The following SMOX variants were observed in gnomAD, a reference collection of about 807,000 sequenced individuals.
SMOX encodes flavin containing amine oxidase.
SMOX carries 22 observed loss-of-function variants against 51.0 expected under a neutral mutation model. The ratio of observed to expected loss-of-function variants is 0.43; its 90% CI spans 0.31 to 0.62. The LOEUF is 0.62. Among genes scored for constraint, SMOX ranks in the 20% least tolerant of loss-of-function variants. SMOX has a pLI of 0.10. For synonymous variants in SMOX, 282 were observed against 307.8 expected (o/e 0.92, Z 0.88); for missense variants, 566 against 777.7 (o/e 0.73, Z 3.24).
intron 6 of SMOX, among the ~76,000 whole-genome samples, chr20:4,186,242 G>C (rs1187359425): frequency 2.6e-5 from 4 of 152,214 alleles, no homozygotes; most frequent in Non-Finnish European, 5.9e-5. Flanking sequence ...AGGAAGTTGA[G>C]GCTGCAGTGG....
chr20:4,164,078 C>T (rs1202134742), intron 1 of SMOX, among the ~76,000 whole-genome samples: 1 of 152,140 alleles, frequency 6.6e-6, no homozygotes, highest in Non-Finnish European at 1.5e-5. Flanking sequence ...CCAAGCACCC[C>T]TACCAAGTAG....
chr20:4,158,472 G>A (rs1437142766), intron 1 of SMOX, among the ~76,000 whole-genome samples: 1 of 152,192 alleles, frequency 6.6e-6, no homozygotes, highest in African/African-American at 2.4e-5. Context: ...GGGCATTGCA[G>A]CACCCCTTAG....
chr20:4,168,563 T>TC (rs1446061634), intron 1 of SMOX, among the ~76,000 whole-genome samples: 5 of 151,014 alleles, frequency 3.3e-5, no homozygotes, highest in African/African-American at 1.2e-4. Flanking sequence ...TCTCTCTCTT[T>TC]TTTTTTTTTT....
rs915011298 is a variant in SMOX at position 4,158,184 on chromosome 20, G to T, written c.-27+9207G>T. Among the ~76,000 whole-genome samples the T allele has an allele frequency of 2.0e-5, 3 of 152,294 alleles. No homozygotes were observed. The Middle Eastern group carries it at 0.01, about 518-fold the overall frequency. On this transcript the variant is annotated intron_variant, in intron 1 of 6. Transcript: ENST00000305958. ...CAAAGTGCTGGGATGACAGGTGTGA[G>T]CCACAGCGCCGGTCGGGGTGTGGTA...
chr20:4,182,953 C>T lies in SMOX; in HGVS notation c.1369+105C>T, dbSNP rs530278827. ...TCTCTCCTCCCCAGACCGTGAAGCT[C>T]GGATGCTGTGCCCCACGGGAGAGCC... On this transcript the variant is annotated intron_variant, in intron 5 of 6. Coordinates refer to ENST00000305958, the MANE Select transcript of SMOX (RefSeq NM_175839.3). The surrounding 1 kb of genome is among the most constrained non-coding windows in gnomAD (Gnocchi z 8.4). 1.7e-5 allele frequency: 25 copies of T among 1,440,688 alleles called. No homozygotes were observed. The highest frequency in any genetic ancestry group is 1.6e-4 in the Admixed American group (7 of 43,472). The allele number at this position is 1,440,688 out of a possible 1,614,324, so 89.2% of individuals were successfully genotyped here.
At chr20:4,171,422 T>C (rs1048304301) in intron 1 of SMOX, among the ~76,000 whole-genome samples, 3 of 152,174 alleles carry the variant, frequency 2.0e-5, no homozygotes, top group Non-Finnish European at 4.4e-5. Flanking sequence ...TCCCTTTCAG[T>C]TGGACCACAG....
intron 1 of SMOX, among the ~76,000 whole-genome samples, chr20:4,155,176 C>T (rs1390654045): frequency 3.3e-5 from 5 of 152,096 alleles, no homozygotes; most frequent in Non-Finnish European, 5.9e-5. Context: ...AGGGCGGGGC[C>T]GAGAGATTGG....
rs1193651132 is a variant in SMOX, at chr20:4,172,848, G to C, written c.-26-2182G>C. 1.3e-5 allele frequency among the ~76,000 whole-genome samples: 2 copies of C among 151,806 alleles called. No homozygotes were observed. The highest frequency in any genetic ancestry group is 2.9e-5 in the Non-Finnish European group (2 of 67,936). On this transcript the variant is annotated intron_variant, in intron 1 of 6. Coordinates refer to ENST00000305958, the MANE Select transcript of SMOX (RefSeq NM_175839.3). This position sits in a 1 kb window ranked among gnomAD's most constrained non-coding sequence, Gnocchi z 7.7. ...GAGGGAGGATTCCCGTCCAGGCCCA[G>C]GCATCGCGGGGGCAGGTGCAATGGG... is the stretch of plus-strand genomic sequence containing the variant.
chr20:4,165,204 T>C (rs1360797303), intron 1 of SMOX, among the ~76,000 whole-genome samples: 3 of 151,880 alleles, frequency 2.0e-5, no homozygotes, highest in Non-Finnish European at 4.4e-5. Context: ...AACAGGCACG[T>C]GCCACCACAC....
At chr20:4,160,292 C>T (rs192890763) in intron 1 of SMOX, among the ~76,000 whole-genome samples, 7 of 152,312 alleles carry the variant, frequency 4.6e-5, no homozygotes, top group Non-Finnish European at 8.8e-5. Flanking sequence ...CCTGCCAGCC[C>T]CAAGTGCCTG....
At chr20:4,175,338 A>G in intron 2 of SMOX, 75 bp downstream of exon 2, 2 of 1,490,136 alleles carry the variant, frequency 1.3e-6, no homozygotes, top group Non-Finnish European at 1.8e-6. Context: ...TCTGCCTGAA[A>G]TCTCATTATT....
chr20:4,157,957 G>C (rs542300689), intron 1 of SMOX, among the ~76,000 whole-genome samples: 34 of 152,156 alleles, frequency 2.2e-4, no homozygotes, highest in African/African-American at 7.7e-4. Context: ...CTGGAGTGCA[G>C]CGGCGCGATC....
At chr20:4,160,379 C>T (rs1056550693) in intron 1 of SMOX, among the ~76,000 whole-genome samples, 1 of 152,146 alleles carries the variant, frequency 6.6e-6, no homozygotes, top group South Asian at 2.1e-4. Flanking sequence ...CTCGGGCCTG[C>T]CGCACCCCTG....
intron 6 of SMOX, chr20:4,186,655 C>T: frequency 1.4e-6 from 1 of 738,150 alleles, no homozygotes; most frequent in South Asian, 1.4e-5. Flanking sequence ...GGCCTCTTTT[C>T]TGGGCTTTCG....
intron 1 of SMOX, among the ~76,000 whole-genome samples, chr20:4,161,119 C>A (rs897905908): frequency 2.0e-5 from 3 of 152,230 alleles, no homozygotes; most frequent in African/African-American, 7.2e-5. Context: ...GGCTGCGGCT[C>A]CTGGCAGGGA....
chr20:4,176,743 C>T (rs144610613), intron 2 of SMOX, among the ~76,000 whole-genome samples: 4 of 152,236 alleles, frequency 2.6e-5, no homozygotes, highest in East Asian at 3.9e-4. Context: ...CTTGGACCCA[C>T]GAGATGTCCC....
Position 4,182,955 on chromosome 20 carries a change from G to C in SMOX, c.1369+107G>C. 7.0e-7 allele frequency: 1 copy of C among 1,438,044 alleles called. No individual in the cohort carries two copies. Among genetic ancestry groups the C allele is most frequent in the Non-Finnish European group, 9.2e-7 (1 of 1,086,316 alleles). 89.1% of individuals were successfully genotyped at this position (1,438,044 alleles called of 1,614,324 possible). ...TCTCCTCCCCAGACCGTGAAGCTCG[G>C]ATGCTGTGCCCCACGGGAGAGCCAC... On this transcript the variant is annotated intron_variant, in intron 5 of 6. Coordinates refer to ENST00000305958, the MANE Select transcript of SMOX (RefSeq NM_175839.3). This position sits in a 1 kb window ranked among gnomAD's most constrained non-coding sequence, Gnocchi z 8.4.
In SMOX at chr20:4,182,320, C is replaced by T. The variant is rs754067325; in HGVS notation, c.841C>T (p.Arg281Trp). The T allele has an allele frequency of 2.8e-5, 45 of 1,598,270 alleles. No individual in the cohort carries two copies. Among genetic ancestry groups the T allele is most frequent in the Admixed American group, 1.5e-4 (9 of 59,190 alleles). Residue 281 changes from arginine (R) to tryptophan (W), a missense_variant, in exon 5 of 7, where the codon CGG (arginine) becomes TGG (tryptophan). Physicochemically the swap from Arg to Trp is moderately radical, Grantham distance 101. This residue lies in a region of SMOX where 347 missense variants were observed against 481.8 expected (regional missense o/e 0.72). Transcript: ENST00000305958. The surrounding 1 kb of genome is among the most constrained non-coding windows in gnomAD (Gnocchi z 8.4). ...ARPRGPEIEP[R>W]GEGDHNHDTG... is the part of the protein sequence containing the mutation. ...CCCCAGAGGCCCTGAGATTGAGCCC[C>T]GGGGTGAGGGCGACCACAATCACGA...
chr20:4,187,236 C>G lies in SMOX; in HGVS notation c.1531-34C>G. On this transcript the variant is annotated intron_variant, in intron 6 of 6. Coordinates refer to ENST00000305958, the MANE Select transcript of SMOX (RefSeq NM_175839.3). The surrounding 1 kb of genome is among the most constrained non-coding windows in gnomAD (Gnocchi z 4.8). Reference sequence around the variant, plus strand: ...TTGTGGCCTTCTGGCCTTTGCTGCTCCTCCACCCTGACCTCCCCATCCCCG... The same window carrying G: ...TTGTGGCCTTCTGGCCTTTGCTGCTGCTCCACCCTGACCTCCCCATCCCCG... 1 of 1,594,944 alleles carries G rather than the reference C, an allele frequency of 6.3e-7. No homozygotes were observed.
Sources: allele counts gnomAD v4.1 joint callset (sites outside exome capture counted in the v4.1 genomes callset), GRCh38; gene constraint gnomAD v4.1.1; regional missense constraint gnomAD v4.1.1; non-coding constraint Gnocchi (gnomAD v3.1); transcripts MANE v1.5; gene names NCBI Gene and HGNC (gene_info 2026-07-23, HGNC 2026-07-21).